The following AGTR1 variants were observed in gnomAD, a reference collection of about 807,000 sequenced individuals.
The protein encoded by AGTR1 is angiotensin II receptor type 1.
Under a neutral mutation model 19.4 loss-of-function variants are expected in AGTR1, and 16 were observed. The observed-to-expected ratio is 0.82, with a 90% confidence interval of 0.56 to 1.25. The LOEUF is 1.25. Among genes scored for constraint, AGTR1 ranks in the 50% most tolerant of loss-of-function variants. The pLI, the probability that AGTR1 is intolerant of heterozygous loss-of-function variation, is 0.00. For missense variants in AGTR1, 373 were observed against 431.9 expected, an observed-to-expected ratio of 0.86 and a Z score of 1.21; for synonymous variants, 153 against 154.9, an observed-to-expected ratio of 0.99 and a Z score of 0.09.
intron 2 of AGTR1, 25 bp from the exon 3 acceptor site, chr3:148,740,964 A>G: frequency 6.3e-7 from 1 of 1,585,580 alleles, no homozygotes; most frequent in South Asian, 1.1e-5. Flanking sequence ...TTTTTTCTTT[A>G]CCATTTTATT....
chr3:148,704,160 G>A (rs12721278), intron 1 of AGTR1, among the ~76,000 whole-genome samples: 2,185 of 151,996 alleles, frequency 0.014, 57 homozygotes, highest in African/African-American at 0.05. Context: ...ACCAGCTGAG[G>A]CAACAAACTG....
At chr3:148,713,255 A>AT (rs1007905862) in intron 2 of AGTR1, among the ~76,000 whole-genome samples, 91 of 150,908 alleles carry the variant, frequency 6.0e-4, no homozygotes, top group Non-Finnish European at 1.1e-3. Context: ...ATATTTAATC[A>AT]TTTTTTTTCT....
rs200406259 is a variant in AGTR1, at chr3:148,741,680, T to C, written c.645T>C (p.Tyr215=). The C allele has an allele frequency of 6.2e-7, 1 of 1,614,076 alleles. No individual in the cohort carries two copies. The highest frequency in any genetic ancestry group is 1.1e-5 in the South Asian group (1 of 91,088). ...LFPFLIILTS[Y]TLIWKALKKA... ...CTTTTCTGATCATTCTTACAAGTTA[T>C]ACTCTTATTTGGAAGGCCCTAAAGA... The change falls in exon 3 of 3, where the codon TAT becomes TAC. Residue 215 remains tyrosine, a synonymous_variant. Coordinates refer to ENST00000349243, the MANE Select transcript of AGTR1 (RefSeq NM_000685.5).
At chr3:148,711,949 G>A (rs891920344) in intron 2 of AGTR1, among the ~76,000 whole-genome samples, 2 of 151,898 alleles carry the variant, frequency 1.3e-5, no homozygotes, top group African/African-American at 4.8e-5. Context: ...ATGTCGTCTT[G>A]CTACATTGCC....
intron 2 of AGTR1, among the ~76,000 whole-genome samples, chr3:148,711,556 A>C (rs1373539746): frequency 6.6e-6 from 1 of 152,166 alleles, no homozygotes; most frequent in Non-Finnish European, 1.5e-5. Flanking sequence ...TTTGTGCCTG[A>C]GTTTTTTTTT....
Position 148,741,854 on chromosome 3 carries a change from C to T in AGTR1, c.819C>T (p.Asp273=). ...DVLIQLGIIR[D]CRIADIVDTA... ...TGATTCAACTAGGCATCATACGTGA[C>T]TGTAGAATTGCAGATATTGTGGACA... The change falls in exon 3 of 3, where the codon GAC becomes GAT. Residue 273 remains aspartate (D), a synonymous_variant. Transcript: ENST00000349243. The T allele has an allele frequency of 6.2e-7, 1 of 1,614,098 alleles. No homozygotes were observed. The highest frequency in any genetic ancestry group is 8.5e-7 in the Non-Finnish European group (1 of 1,180,016).
intron 2 of AGTR1, among the ~76,000 whole-genome samples, chr3:148,734,086 C>A (rs1714436055): frequency 6.6e-6 from 1 of 152,158 alleles, no homozygotes; most frequent in Non-Finnish European, 1.5e-5. Context: ...TTGGGGCATT[C>A]ATCACAACTG....
chr3:148,736,918 A>G (rs1481576841), intron 2 of AGTR1, among the ~76,000 whole-genome samples: 5 of 152,188 alleles, frequency 3.3e-5, no homozygotes, highest in Admixed American at 3.3e-4. Flanking sequence ...GCAGGATGTG[A>G]CTGAAACATA....
intron 2 of AGTR1, among the ~76,000 whole-genome samples, chr3:148,708,819 T>C (rs1295069147): frequency 1.3e-5 from 2 of 152,196 alleles, no homozygotes; most frequent in African/African-American, 4.8e-5. Context: ...GCCCTCAGCT[T>C]CTCCTAGTCC....
chr3:148,719,461 C>A (rs1399171535), intron 2 of AGTR1, among the ~76,000 whole-genome samples: 2 of 152,298 alleles, frequency 1.3e-5, no homozygotes, highest in East Asian at 3.9e-4. Context: ...GCTGCTAGAT[C>A]TCTGTATTAT....
At chr3:148,738,643 A>T (rs12721238) in intron 2 of AGTR1, among the ~76,000 whole-genome samples, 1 of 152,232 alleles carries the variant, frequency 6.6e-6, no homozygotes, top group Non-Finnish European at 1.5e-5. Flanking sequence ...GCCTAGCCCT[A>T]GTTTCTGTTA....
intron 2 of AGTR1, among the ~76,000 whole-genome samples, chr3:148,720,851 G>A (rs561323234): frequency 6.6e-6 from 1 of 152,292 alleles, no homozygotes; most frequent in South Asian, 2.1e-4. Context: ...ATTGTGGGCA[G>A]ATGTTCTCAA....
chr3:148,721,888 G>A (rs1480314838), intron 2 of AGTR1, among the ~76,000 whole-genome samples: 1 of 152,178 alleles, frequency 6.6e-6, no homozygotes, highest in African/African-American at 2.4e-5. Flanking sequence ...AGCCACAGTG[G>A]AAAGTCTCAT....
At chr3:148,724,823 CTGAT>C (rs1384905866) in intron 2 of AGTR1, among the ~76,000 whole-genome samples, 1 of 152,136 alleles carries the variant, frequency 6.6e-6, no homozygotes, top group African/African-American at 2.4e-5. Flanking sequence ...CTGGAATAGA[CTGAT>C]TCCAAAAATA....
At chr3:148,706,531 T>G (rs1206333130) in intron 1 of AGTR1, among the ~76,000 whole-genome samples, 1 of 151,970 alleles carries the variant, frequency 6.6e-6, no homozygotes, top group African/African-American at 2.4e-5. Flanking sequence ...AAATAAATGC[T>G]TATACAGTAA....
chr3:148,707,562 C>T (rs1324616231), intron 1 of AGTR1, among the ~76,000 whole-genome samples: 1 of 152,016 alleles, frequency 6.6e-6, no homozygotes, highest in African/African-American at 2.4e-5. Flanking sequence ...TTAAGTTTAG[C>T]TGTAGATTCA....
intron 2 of AGTR1, among the ~76,000 whole-genome samples, chr3:148,729,575 A>C (rs1714139534): frequency 6.6e-6 from 1 of 152,220 alleles, no homozygotes; most frequent in Non-Finnish European, 1.5e-5. Flanking sequence ...TTTCACAGGA[A>C]GCAGCAGTCA....
intron 2 of AGTR1, among the ~76,000 whole-genome samples, chr3:148,722,851 C>T (rs902772141): frequency 2.0e-5 from 3 of 152,192 alleles, no homozygotes; most frequent in South Asian, 2.1e-4. Context: ...ATTTTTGCAT[C>T]TCCCAACGCT....
chr3:148,713,883 GC>G (rs1038667535), intron 2 of AGTR1, among the ~76,000 whole-genome samples: 1 of 152,126 alleles, frequency 6.6e-6, no homozygotes, highest in African/African-American at 2.4e-5. Context: ...ACTCTTTAAT[GC>G]CTTATACTGG....
Sources: gnomAD v4.1 joint callset for allele counts (sites outside exome capture counted in the v4.1 genomes callset) on GRCh38, gnomAD v4.1.1 for gene constraint, MANE v1.5 for transcripts, NCBI Gene and HGNC (gene_info 2026-07-23, HGNC 2026-07-21) for gene names.